The following DDI2 variants were observed in gnomAD, a reference collection of about 807,000 sequenced individuals.
The protein encoded by DDI2 is protein DDI1 homolog 2.
DDI2 carries 5 observed loss-of-function variants against 48.1 expected under a neutral mutation model. The ratio of observed to expected loss-of-function variants is 0.10; its 90% CI spans 0.05 to 0.22. The LOEUF is 0.22. DDI2 is among the 10% of genes least tolerant of loss of function. The probability of loss-of-function intolerance (pLI) is 1.00; values close to 1 mark genes in which losing one functional copy is unlikely to be tolerated. For missense variants in DDI2, 285 were observed against 506.2 expected (o/e 0.56, Z 4.19); for synonymous variants, 205 against 183.6 (o/e 1.12, Z -0.94).
At position 15,665,877 on chromosome 1, in the gene DDI2, T is replaced by C. The variant is rs1211187744; in HGVS notation, c.*6087T>C. On this transcript the variant is annotated 3_prime_UTR_variant, in exon 10 of 10. Transcript: ENST00000480945. The stretch of plus-strand genomic sequence containing the variant: ...ATTTCAAACCTGTTATCACTGGCAG[T>C]GTGTCCCAAGAGAAGCTGACCAGAT... 6.6e-6 allele frequency: 1 copy of C among 152,102 alleles called. No individual in the cohort carries two copies. The highest frequency in any genetic ancestry group is 6.6e-5 in the Admixed American group (1 of 15,256). 9.4% of individuals were successfully genotyped at this position (152,102 alleles called of 1,614,324 possible).
At chr1:15,647,751 C>G (rs185563253) in intron 6 of DDI2, among the ~76,000 whole-genome samples, 1 of 152,126 alleles carries the variant, frequency 6.6e-6, no homozygotes, top group African/African-American at 2.4e-5. Flanking sequence ...TGCTTGAGCT[C>G]AGGAGTTTGA....
At chr1:15,642,590 G>A (rs1640027673) in intron 5 of DDI2, among the ~76,000 whole-genome samples, 1 of 152,086 alleles carries the variant, frequency 6.6e-6, no homozygotes, top group South Asian at 2.1e-4. Flanking sequence ...TACGATTACA[G>A]GCATGAGCCA....
Position 15,665,279 on chromosome 1 carries a change from A to T in DDI2, c.*5489A>T, listed in dbSNP as rs1195720257. 1 of 154,596 alleles carries T rather than the reference A, an allele frequency of 6.5e-6. No individual in the cohort carries two copies. Among genetic ancestry groups the T allele is most frequent in the Non-Finnish European group, 1.4e-5 (1 of 70,260 alleles). The allele number at this position is 154,596 out of a possible 1,614,324, so 9.6% of individuals were successfully genotyped here. A position where few individuals can be genotyped will look rare whatever the true frequency, so the allele number is the denominator to read the frequency against. ...CTCTGTCTCAAAAAAAAAAAAAAAA[A>T]AGGTAACCAGTTGCTTGGCAAAGGA... is the stretch of plus-strand genomic sequence containing the variant. On this transcript the variant is annotated 3_prime_UTR_variant, in exon 10 of 10. Transcript: ENST00000480945.
Position 15,660,637 on chromosome 1 carries a change from T to A in DDI2, c.*847T>A. Reference sequence around the variant, plus strand: ...TATGGAAATCGATACAGCTCAACAGTCCCTAGTTACTTTGCTTAATTCAAC... The same window carrying A: ...TATGGAAATCGATACAGCTCAACAGACCCTAGTTACTTTGCTTAATTCAAC... On this transcript the variant is annotated 3_prime_UTR_variant, in exon 10 of 10. Transcript: ENST00000480945. 3 of 1,614,160 alleles carry A rather than the reference T, an allele frequency of 1.9e-6. No homozygotes were observed. The highest frequency in any genetic ancestry group is 2.5e-6 in the Non-Finnish European group (3 of 1,180,034).
chr1:15,651,863 C>T lies in DDI2; in HGVS notation c.1151C>T (p.Ala384Val). 1 of 1,613,610 alleles carries T rather than the reference C, an allele frequency of 6.2e-7. No homozygotes were observed. Among genetic ancestry groups the T allele is most frequent in the South Asian group, 1.1e-5 (1 of 91,030 alleles). Residue 384 changes from alanine (A) to valine (V), a missense_variant, in exon 8 of 10, where the codon GCA becomes GTA. By Grantham distance (64) the Ala-to-Val change is moderately conservative. Transcript: ENST00000480945. ...GAGGAGATTGCAGACCAAGAATTAGCAGAAGCCCTTCAAAAATCAGCAGAG... is the reference window on the plus strand; with the variant it reads ...GAGGAGATTGCAGACCAAGAATTAGTAGAAGCCCTTCAAAAATCAGCAGAG... Reference protein sequence around the residue: ...RPEEIADQELAEALQKSAEDA... With the variant: ...RPEEIADQELVEALQKSAEDA...
At chr1:15,650,514 G>A (rs1322043323) in intron 7 of DDI2, among the ~76,000 whole-genome samples, 2 of 152,120 alleles carry the variant, frequency 1.3e-5, no homozygotes, top group African/African-American at 4.8e-5. Flanking sequence ...GGAGGCCAAG[G>A]AGGGAGGATT....
In DDI2 at chr1:15,630,642, C is replaced by T. The variant is rs528246343; in HGVS notation, c.505+81C>T. 47 of 936,824 alleles carry T rather than the reference C, an allele frequency of 5.0e-5. 1 individual carries two copies. Among genetic ancestry groups the T allele is most frequent in the South Asian group, 4.2e-4 (31 of 74,060 alleles). The allele number at this position is 936,824 out of a possible 1,614,324, so 58.0% of individuals were successfully genotyped here. A position where few individuals can be genotyped will look rare whatever the true frequency, so the allele number is the denominator to read the frequency against. On this transcript the variant is annotated intron_variant, in intron 3 of 9. Coordinates refer to ENST00000480945, the MANE Select transcript of DDI2 (RefSeq NM_032341.5). ...CATAGCAAATGTGAAGAGACTCAAG[C>T]GACACTGTGTCACATGATTTATTGA...
chr1:15,651,983 A>G, intron 8 of DDI2, 88 bp downstream of exon 8: 8 of 1,329,060 alleles, frequency 6.0e-6, no homozygotes, highest in Non-Finnish European at 6.9e-6. Context: ...GAACCTTTCC[A>G]GTTTTTAATT....
intron 4 of DDI2, among the ~76,000 whole-genome samples, chr1:15,637,036 G>A (rs6429768): frequency 0.32 from 48,825 of 152,032 alleles, 8,738 homozygotes; most frequent in African/African-American, 0.46. Context: ...TTGCCCAACC[G>A]CTGACCTAGT....
chr1:15,622,474 A>C (rs1383680787), intron 1 of DDI2, among the ~76,000 whole-genome samples: 1 of 152,244 alleles, frequency 6.6e-6, no homozygotes, highest in Non-Finnish European at 1.5e-5. Flanking sequence ...GATTAAGATT[A>C]TAATTCAGTC....
chr1:15,652,472 A>G (rs1429223303), intron 8 of DDI2, among the ~76,000 whole-genome samples: 3 of 66,926 alleles, frequency 4.5e-5, no homozygotes, highest in African/African-American at 1.7e-4. Flanking sequence ...GGGGCGGATC[A>G]CCTGAGGTCA....
At position 15,660,713 on chromosome 1, in the gene DDI2, T is replaced by C. The variant is rs956002258; in HGVS notation, c.*923T>C. On this transcript the variant is annotated 3_prime_UTR_variant, in exon 10 of 10. Coordinates refer to ENST00000480945, the MANE Select transcript of DDI2 (RefSeq NM_032341.5). ...AACATTGGTGCATTGGATCTCACTTTAGATAATCCCTTGATGGAAGTAGAA... is the reference window on the plus strand; with the variant it reads ...AACATTGGTGCATTGGATCTCACTTCAGATAATCCCTTGATGGAAGTAGAA... The C allele has an allele frequency of 7.4e-6, 12 of 1,613,822 alleles. No individual in the cohort carries two copies. In the African/African-American group the frequency reaches 1.5e-4, roughly 20 times the overall value.
chr1:15,640,133 T>C (rs528467034), intron 5 of DDI2, among the ~76,000 whole-genome samples: 1 of 152,014 alleles, frequency 6.6e-6, no homozygotes, highest in African/African-American at 2.4e-5. Context: ...TTGTGCTGAG[T>C]GCTTGGTGAT....
intron 1 of DDI2, among the ~76,000 whole-genome samples, chr1:15,621,941 A>G (rs1214450296): frequency 6.6e-6 from 1 of 152,246 alleles, no homozygotes; most frequent in Non-Finnish European, 1.5e-5. Flanking sequence ...TACAAGTCAA[A>G]TTGGCTATTA....
intron 1 of DDI2, 71 bp downstream of exon 1, chr1:15,617,879 T>G: frequency 7.0e-7 from 1 of 1,432,206 alleles, no homozygotes; most frequent in Non-Finnish European, 9.2e-7. Context: ...ACTCCCTCCC[T>G]TTGCTACTGG....
At chr1:15,642,950 G>A (rs747808037) in intron 5 of DDI2, among the ~76,000 whole-genome samples, 29 of 152,092 alleles carry the variant, frequency 1.9e-4, no homozygotes, top group Non-Finnish European at 2.2e-4. Context: ...AACTGTAGTC[G>A]CAGCTACTTG....
At chr1:15,644,303 A>G (rs1196313797) in intron 6 of DDI2, among the ~76,000 whole-genome samples, 1 of 152,190 alleles carries the variant, frequency 6.6e-6, no homozygotes, top group Admixed American at 6.6e-5. Flanking sequence ...GATTACATGA[A>G]TCCCTTGTCT....
intron 6 of DDI2, among the ~76,000 whole-genome samples, chr1:15,648,111 TATTG>T (rs1188432685): frequency 6.6e-6 from 1 of 152,222 alleles, no homozygotes; most frequent in Admixed American, 6.5e-5. Context: ...GTGTTTCTCT[TATTG>T]ATTTGTGTAG....
intron 6 of DDI2, among the ~76,000 whole-genome samples, chr1:15,646,381 T>A (rs1458414523): frequency 6.6e-6 from 1 of 152,212 alleles, no homozygotes; most frequent in African/African-American, 2.4e-5. Context: ...CTATTATATT[T>A]GGCCTTAAAA....
Sources: gnomAD v4.1 joint callset for allele counts (sites outside exome capture counted in the v4.1 genomes callset) on GRCh38, gnomAD v4.1.1 for gene constraint, MANE v1.5 for transcripts, NCBI Gene and HGNC (gene_info 2026-07-23, HGNC 2026-07-21) for gene names.